Variants in ST6GALNAC2 observed in about 807,000 individuals in gnomAD.
ST6GALNAC2 encodes the protein alpha-N-acetylgalactosaminide alpha-2,6-sialyltransferase 2.
In ST6GALNAC2, 42 loss-of-function variants were observed where a neutral mutation model predicts 38.7. That is an observed-to-expected ratio of 1.09 (90% CI 0.85 to 1.40). The LOEUF (loss-of-function observed/expected upper bound fraction) is 1.40. Among genes scored for constraint, ST6GALNAC2 ranks in the 40% most tolerant of loss-of-function variants. The pLI, the probability that ST6GALNAC2 is intolerant of heterozygous loss-of-function variation, is 0.00. For synonymous variants in ST6GALNAC2, 233 were observed against 209.0 expected (o/e 1.11, Z -0.99); for missense variants, 506 against 481.7 (o/e 1.05, Z -0.47).
chr17:76,567,392 T>C lies in ST6GALNAC2; in HGVS notation c.957+61A>G, dbSNP rs549567808. ...CGAGGTAAGGGATATCAGGGGATCC[T>C]GTTGGGTTCTGTTATCCTGTGTTCT... On this transcript the variant is annotated intron_variant, in intron 8 of 8. Coordinates refer to ENST00000225276, the MANE Select transcript of ST6GALNAC2 (RefSeq NM_006456.3). The C allele has an allele frequency of 7.8e-5, 94 of 1,209,498 alleles. No individual in the cohort carries two copies. The African/African-American group carries it at 1.3e-3, about 17-fold the overall frequency. 74.9% of individuals were successfully genotyped at this position (1,209,498 alleles called of 1,614,324 possible). A position where few individuals can be genotyped will look rare whatever the true frequency, so the allele number is the denominator to read the frequency against.
At chr17:76,583,690 G>A (rs971611248) in intron 1 of ST6GALNAC2, among the ~76,000 whole-genome samples, 1 of 151,712 alleles carries the variant, frequency 6.6e-6, no homozygotes, top group African/African-American at 2.4e-5. Flanking sequence ...CCTTGGTGTT[G>A]GTGGGGCAGG....
intron 1 of ST6GALNAC2, among the ~76,000 whole-genome samples, chr17:76,579,601 C>T (rs890520951): frequency 6.6e-6 from 1 of 152,184 alleles, no homozygotes; most frequent in East Asian, 1.9e-4. Context: ...ACTGAATCCC[C>T]AATGCAACAG....
intron 2 of ST6GALNAC2, among the ~76,000 whole-genome samples, chr17:76,577,831 C>A (rs1196609111): frequency 3.9e-5 from 6 of 152,060 alleles, no homozygotes; most frequent in Non-Finnish European, 8.8e-5. Context: ...CCTCGGCCCC[C>A]CAAAGTGCTG....
At chr17:76,572,523 C>T (rs1055523822) in intron 5 of ST6GALNAC2, 114 bp downstream of exon 5, 1 of 1,264,820 alleles carries the variant, frequency 7.9e-7, no homozygotes, top group Non-Finnish European at 1.1e-6. Flanking sequence ...AATCCTGGCA[C>T]CCCCTCAGCA....
intron 1 of ST6GALNAC2, among the ~76,000 whole-genome samples, chr17:76,580,612 C>CGTACTT (rs1170904265): frequency 1.3e-5 from 2 of 148,650 alleles, no homozygotes; most frequent in Non-Finnish European, 1.5e-5. Flanking sequence ...CCAGGCTACT[C>CGTACTT]GGGAGGCTGA....
intron 6 of ST6GALNAC2, chr17:76,569,226 A>C: frequency 6.8e-6 from 2 of 294,522 alleles, no homozygotes; most frequent in Non-Finnish European, 1.2e-5. Context: ...GCTCCTTCAG[A>C]AAGCGGGGCA....
At chr17:76,568,590 G>C in intron 7 of ST6GALNAC2, 123 bp downstream of exon 7, 1 of 894,678 alleles carries the variant, frequency 1.1e-6, no homozygotes, top group Non-Finnish European at 1.8e-6. Context: ...CAGCACTCGG[G>C]ACAGTGGAGC....
intron 1 of ST6GALNAC2, among the ~76,000 whole-genome samples, chr17:76,579,194 C>T (rs2075449576): frequency 6.6e-6 from 1 of 152,278 alleles, no homozygotes; most frequent in Admixed American, 6.5e-5. Flanking sequence ...GCTGGGATTA[C>T]AGGCGTAAGC....
At chr17:76,572,115 G>C (rs2075359153) in intron 5 of ST6GALNAC2, among the ~76,000 whole-genome samples, 1 of 152,096 alleles carries the variant, frequency 6.6e-6, no homozygotes, top group Non-Finnish European at 1.5e-5. Context: ...CAGCGTCCCT[G>C]CTTTGTCATC....
chr17:76,567,566 G>A lies in ST6GALNAC2; in HGVS notation c.858-14C>T, dbSNP rs756295365. On this transcript the variant is annotated splice_polypyrimidine_tract_variant and intron_variant, in intron 7 of 8. Transcript: ENST00000225276. ...GATTTCAAGAACCTGGAAGCAAAAAGAGACATTTCAGCTCACTAGCTTGAT... is the reference window on the plus strand; with the variant it reads ...GATTTCAAGAACCTGGAAGCAAAAAAAGACATTTCAGCTCACTAGCTTGAT... The A allele has an allele frequency of 5.7e-6, 9 of 1,571,492 alleles. No individual in the cohort carries two copies. Among genetic ancestry groups the A allele is most frequent in the Non-Finnish European group, 7.9e-6 (9 of 1,141,456 alleles).
chr17:76,582,164 C>CTT (rs71158025), intron 1 of ST6GALNAC2, among the ~76,000 whole-genome samples: 139 of 62,046 alleles, frequency 2.2e-3, no homozygotes, highest in African/African-American at 3.3e-3. Context: ...CGTGCCCAGC[C>CTT]TTTTTTTTTT....
chr17:76,574,334 A>G, intron 3 of ST6GALNAC2, 31 bp downstream of exon 3: 1 of 1,599,160 alleles, frequency 6.3e-7, no homozygotes, highest in Non-Finnish European at 8.5e-7. Context: ...CTAAGGCAGA[A>G]GGCAGGTGAG....
chr17:76,572,871 C>G (rs2075369046), intron 4 of ST6GALNAC2, 96 bp from the exon 5 acceptor site: 3 of 1,450,130 alleles, frequency 2.1e-6, no homozygotes, highest in Non-Finnish European at 2.9e-6. Context: ...CCCCCTGCCT[C>G]TGTATGACCA....
intron 7 of ST6GALNAC2, 166 bp from the exon 8 acceptor site, chr17:76,567,718 T>C: frequency 1.8e-6 from 1 of 553,598 alleles, no homozygotes. Flanking sequence ...TTTGAGACCT[T>C]AGGTAAGGTT....
In ST6GALNAC2 at chr17:76,566,210, C is replaced by T. The variant is rs139401613; in HGVS notation, c.1019G>A (p.Arg340Gln). ...ATAAAATATCAATGGCTTCATTTTT[C>T]GTTCGAAATAGTGGTCGGAAAATTT... ...YWKFSDHYFERKMKPLIFYAN... is the reference protein window; with the variant it reads ...YWKFSDHYFEQKMKPLIFYAN... The change falls in exon 9 of 9, where the codon CGA becomes CAA. Residue 340 changes from arginine to glutamine, a missense_variant. Arg to Gln is a conservative substitution (Grantham distance 43). Coordinates refer to ENST00000225276, the MANE Select transcript of ST6GALNAC2 (RefSeq NM_006456.3). The T allele has an allele frequency of 1.2e-3, 1,906 of 1,614,084 alleles. 1 individual carries two copies. The highest frequency in any genetic ancestry group is 1.4e-3 in the Non-Finnish European group (1,706 of 1,180,020).
Position 76,565,855 on chromosome 17 carries a change from A to G in ST6GALNAC2, c.*249T>C, listed in dbSNP as rs921303367. ...TCCTAAAGTTGCTCAGTGCCAATCC[A>G]GCAAAGCAGTCCATTTTCCCTTGGC... is the stretch of plus-strand genomic sequence containing the variant. On this transcript the variant is annotated 3_prime_UTR_variant, in exon 9 of 9. Coordinates refer to ENST00000225276, the MANE Select transcript of ST6GALNAC2 (RefSeq NM_006456.3). 2 of 436,768 alleles carry G rather than the reference A, an allele frequency of 4.6e-6. No individual in the cohort carries two copies. Among genetic ancestry groups the G allele is most frequent in the African/African-American group, 4.0e-5 (2 of 49,856 alleles). The allele number at this position is 436,768 out of a possible 1,614,324, so 27.1% of individuals were successfully genotyped here. A position where few individuals can be genotyped will look rare whatever the true frequency, so the allele number is the denominator to read the frequency against.
intron 8 of ST6GALNAC2, among the ~76,000 whole-genome samples, chr17:76,566,938 T>G (rs1000031746): frequency 3.9e-5 from 6 of 152,178 alleles, no homozygotes; most frequent in African/African-American, 1.2e-4. Flanking sequence ...TGAAAGCTGC[T>G]GCTTGGCCCC....
At position 76,582,139 on chromosome 17, in the gene ST6GALNAC2, A is replaced by G. The variant is rs1203399368; in HGVS notation, c.126-3323T>C. On this transcript the variant is annotated intron_variant, in intron 1 of 8. Transcript: ENST00000225276. The stretch of plus-strand genomic sequence containing the variant: ...CTCGGCCTCCCAAAGTACTGGGGTT[A>G]CAAGCGTGAGCCACCGTGCCCAGCC... Among the ~76,000 whole-genome samples the G allele has an allele frequency of 3.4e-5, 5 of 145,696 alleles. No homozygotes were observed. The East Asian group carries it at 6.1e-4, about 18-fold the overall frequency.
In ST6GALNAC2 at chr17:76,572,741, C is replaced by G. The variant is rs371906556; in HGVS notation, c.565G>C (p.Asp189His). Reference sequence around the variant, plus strand: ...TAGAAGGAAGTCTTGGTGCCCACATCGCGCTCGAAGCCTTTGATCACAGCT... The same window carrying G: ...TAGAAGGAAGTCTTGGTGCCCACATGGCGCTCGAAGCCTTTGATCACAGCT... Reference protein sequence around the residue: ...NGAVIKGFERDVGTKTSFYGF... With the variant: ...NGAVIKGFERHVGTKTSFYGF... The change falls in exon 5 of 9, where the codon GAT (aspartate) becomes CAT (histidine). Residue 189 changes from aspartate to histidine, a missense_variant. Physicochemically the swap from Asp to His is moderately conservative, Grantham distance 81. Transcript: ENST00000225276. The G allele has an allele frequency of 6.2e-7, 1 of 1,614,086 alleles. No individual in the cohort carries two copies. Among genetic ancestry groups the G allele is most frequent in the African/African-American group, 1.3e-5 (1 of 74,938 alleles).
Sources: gnomAD v4.1 joint callset for allele counts (sites outside exome capture counted in the v4.1 genomes callset) on GRCh38, gnomAD v4.1.1 for gene constraint, MANE v1.5 for transcripts, NCBI Gene and HGNC (gene_info 2026-07-23, HGNC 2026-07-21) for gene names.